CMTM4: variants seen among roughly 807,000 people sequenced by gnomAD.
The protein encoded by CMTM4 is CKLF-like MARVEL transmembrane domain-containing protein 4.
CMTM4 carries 8 observed loss-of-function variants against 19.0 expected under a neutral mutation model. The ratio of observed to expected loss-of-function variants is 0.42; its 90% CI spans 0.25 to 0.76. The LOEUF is 0.76. Ranked by LOEUF, CMTM4 falls within the 30% of genes least tolerant of loss-of-function variation. The pLI is 0.27. For synonymous variants in CMTM4, 106 were observed against 121.1 expected (o/e 0.88, Z 0.82); for missense variants, 228 against 290.2 (o/e 0.79, Z 1.56).
At chr16:66,627,291 T>C (rs2015761989) in intron 2 of CMTM4, among the ~76,000 whole-genome samples, 1 of 152,232 alleles carries the variant, frequency 6.6e-6, no homozygotes, top group South Asian at 2.1e-4. Flanking sequence ...AAAAGCATGA[T>C]TTTAATGGTT....
chr16:66,656,301 T>C (rs2016396603), intron 1 of CMTM4, among the ~76,000 whole-genome samples: 1 of 152,204 alleles, frequency 6.6e-6, no homozygotes. Flanking sequence ...ATCGTAATTC[T>C]TGATTCAGGC....
At chr16:66,605,078 T>G in the CMTM4 span, 2 of 888,750 alleles carry the variant, frequency 2.3e-6, no homozygotes, top group African/African-American at 3.5e-5. This position sits in a 1 kb window ranked among gnomAD's most constrained non-coding sequence, Gnocchi z 4.6. Context: ...CCGCGCCGCC[T>G]CGGCCGACTT....
At chr16:66,678,953 A>C (rs2016857103) in intron 1 of CMTM4, among the ~76,000 whole-genome samples, 1 of 151,940 alleles carries the variant, frequency 6.6e-6, no homozygotes, top group African/African-American at 2.4e-5. Context: ...ATGTACAAAA[A>C]TTAGGCATGG....
the CMTM4 span, chr16:66,605,135 C>A: frequency 2.0e-6 from 1 of 506,156 alleles, no homozygotes; most frequent in Non-Finnish European, 3.2e-6. The surrounding 1 kb of genome is among the most constrained non-coding windows in gnomAD (Gnocchi z 4.6). Flanking sequence ...AAACTTTGGA[C>A]GGCGGGGCGG....
chr16:66,603,719 G>A, the CMTM4 span, among the ~76,000 whole-genome samples: 2 of 152,122 alleles, frequency 1.3e-5, no homozygotes, highest in African/African-American at 4.8e-5. Context: ...GCTCTCCCCC[G>A]GCTGCCCAGA....
At chr16:66,659,455 C>A (rs1413697050) in intron 1 of CMTM4, among the ~76,000 whole-genome samples, 1 of 151,706 alleles carries the variant, frequency 6.6e-6, no homozygotes, top group Non-Finnish European at 1.5e-5. Context: ...TACCCCATTT[C>A]ATCAGCAAAC....
chr16:66,604,626 G>A, the CMTM4 span: 4 of 438,674 alleles, frequency 9.1e-6, no homozygotes, highest in Admixed American at 9.6e-5. Flanking sequence ...GCCGGGGTCC[G>A]AGGGGGAGGG....
At chr16:66,666,765 G>A (rs1178868846) in intron 1 of CMTM4, among the ~76,000 whole-genome samples, 1 of 152,196 alleles carries the variant, frequency 6.6e-6, no homozygotes, top group African/African-American at 2.4e-5. Flanking sequence ...CATGCCCTTT[G>A]CAGCAACATG....
At chr16:66,673,706 C>T (rs1420032899) in intron 1 of CMTM4, among the ~76,000 whole-genome samples, 1 of 152,170 alleles carries the variant, frequency 6.6e-6, no homozygotes, top group African/African-American at 2.4e-5. Flanking sequence ...ATACTCCTTG[C>T]AGTTTACTTA....
chr16:66,604,802 C>T, the CMTM4 span: 2 of 1,250,458 alleles, frequency 1.6e-6, no homozygotes, highest in South Asian at 3.3e-5. Context: ...CCGCCGCCGC[C>T]GCCATGTGGC....
intron 1 of CMTM4, among the ~76,000 whole-genome samples, chr16:66,688,477 T>C (rs566309040): frequency 1.3e-5 from 2 of 151,976 alleles, no homozygotes; most frequent in Admixed American, 6.6e-5. Context: ...AAAAGTCTCA[T>C]GGCCGATAAG....
chr16:66,682,316 TGAAA>T (rs1228572039), intron 1 of CMTM4, among the ~76,000 whole-genome samples: 2 of 152,072 alleles, frequency 1.3e-5, no homozygotes, highest in African/African-American at 2.4e-5. Context: ...TGAAAATGGG[TGAAA>T]GAAAGTAGAC....
At chr16:66,610,669 G>A (rs531253572), downstream of CMTM4, among the ~76,000 whole-genome samples, 37 of 152,298 alleles carry the variant, frequency 2.4e-4, no homozygotes, top group South Asian at 3.7e-3. The surrounding 1 kb of genome is among the most constrained non-coding windows in gnomAD (Gnocchi z 4.6). Context: ...GACAGCAGGC[G>A]CTTCTGCCTG....
chr16:66,622,319 GC>G lies in CMTM4; in HGVS notation c.463-98del. ...GCCACATGCAGCCCCTTCCTGCTCT[GC>G]CAGCTGATCATTACAACCCTGTGCC... On this transcript the variant is annotated intron_variant, in intron 3 of 3. Transcript: ENST00000394106. This position sits in a 1 kb window ranked among gnomAD's most constrained non-coding sequence, Gnocchi z 4.0. 7.4e-7 allele frequency: 1 copy of G among 1,351,476 alleles called. No individual in the cohort carries two copies. The highest frequency in any genetic ancestry group is 1.0e-6 in the Non-Finnish European group (1 of 980,692). The allele number at this position is 1,351,476 out of a possible 1,614,324, so 83.7% of individuals were successfully genotyped here. A position where few individuals can be genotyped will look rare whatever the true frequency, so the allele number is the denominator to read the frequency against.
intron 2 of CMTM4, among the ~76,000 whole-genome samples, chr16:66,631,655 A>G (rs1303553385): frequency 6.6e-6 from 1 of 152,146 alleles, no homozygotes; most frequent in Non-Finnish European, 1.5e-5. Context: ...TCTCTGAAAC[A>G]TGTGCTGTGT....
intron 1 of CMTM4, among the ~76,000 whole-genome samples, chr16:66,673,230 CAG>C (rs1201867970): frequency 7.7e-6 from 1 of 129,260 alleles, no homozygotes; most frequent in African/African-American, 3.0e-5. Flanking sequence ...TTTTTTGAGA[CAG>C]AGTCTCACTC....
At chr16:66,612,919 A>G, downstream of CMTM4, 1 of 623,656 alleles carries the variant, frequency 1.6e-6, no homozygotes, top group South Asian at 1.8e-5. The surrounding 1 kb of genome is among the most constrained non-coding windows in gnomAD (Gnocchi z 6.0). Flanking sequence ...CGTCTCTGCC[A>G]AAAACCAGCA....
At chr16:66,666,040 C>A (rs1405505118) in intron 1 of CMTM4, among the ~76,000 whole-genome samples, 2 of 151,244 alleles carry the variant, frequency 1.3e-5, no homozygotes. Context: ...CCACTGCACT[C>A]CAGCCTGGGC....
rs76373056 is a variant in CMTM4 at position 66,687,492 on chromosome 16, C to T, written c.186+8848G>A. Among the ~76,000 whole-genome samples the T allele has an allele frequency of 2.6e-3, 390 of 151,592 alleles. 11 individuals are homozygous for T. In the East Asian group the frequency reaches 0.051, roughly 20 times the overall value. ...GCCAGCCTAGGCAACATAGCGAGAC[C>T]GTCTCAAAAATAAAATAAAATAAAA... On this transcript the variant is annotated intron_variant, in intron 1 of 3. Coordinates refer to ENST00000394106, the MANE Select transcript of CMTM4 (RefSeq NM_181521.3).
Sources: allele counts gnomAD v4.1 joint callset (sites outside exome capture counted in the v4.1 genomes callset), GRCh38; gene constraint gnomAD v4.1.1; non-coding constraint Gnocchi (gnomAD v3.1); transcripts MANE v1.5; gene names NCBI Gene and HGNC (gene_info 2026-07-23, HGNC 2026-07-21).